The following HAPLN3 variants were observed in gnomAD, a reference collection of about 807,000 sequenced individuals.
The protein encoded by HAPLN3 is extracellular link domain containing, 1.
HAPLN3 carries 28 observed loss-of-function variants against 28.1 expected under a neutral mutation model. That is an observed-to-expected ratio of 1.00 (90% CI 0.74 to 1.37). The LOEUF is 1.37. HAPLN3 is among the 40% of genes most tolerant of loss of function. The probability of loss-of-function intolerance (pLI) is 0.00; values close to 1 mark genes in which losing one functional copy is unlikely to be tolerated. For synonymous variants in HAPLN3, 211 were observed against 213.1 expected, an observed-to-expected ratio of 0.99 and a Z score of 0.09; for missense variants, 513 against 504.6, an observed-to-expected ratio of 1.02 and a Z score of -0.16.
rs1027749488 is a variant in HAPLN3 at position 88,883,951 on chromosome 15, G to A, written c.125-2226C>T. Among the ~76,000 whole-genome samples, 7 of 152,044 alleles carry A rather than the reference G, an allele frequency of 4.6e-5. No individual in the cohort carries two copies. In the East Asian group the frequency reaches 9.7e-4, roughly 21 times the overall value. On this transcript the variant is annotated intron_variant, in intron 2 of 4. Transcript: ENST00000359595. ...AAATTAGCTGGGCACAGTGGTGCAC[G>A]CCTGTAGTCTCAGCTAACTCAGGAG...
rs989663808 is a variant in HAPLN3 at position 88,880,107 on chromosome 15, G to C, written c.494-838C>G. 2 of 992,172 alleles carry C rather than the reference G, an allele frequency of 2.0e-6. No individual in the cohort carries two copies. The highest frequency in any genetic ancestry group is 4.6e-5 in the South Asian group (1 of 21,806). The allele number at this position is 992,172 out of a possible 1,614,324, so 61.5% of individuals were successfully genotyped here. ...CTGGGCAAAGCCAGGTTGGGCGGCAGAGAAGCCCATGGGCCCTGACAGTCA... is the reference window on the plus strand; with the variant it reads ...CTGGGCAAAGCCAGGTTGGGCGGCACAGAAGCCCATGGGCCCTGACAGTCA... On this transcript the variant is annotated intron_variant, in intron 3 of 4. Transcript: ENST00000359595. This position sits in a 1 kb window ranked among gnomAD's most constrained non-coding sequence, Gnocchi z 6.0.
At chr15:88,894,527 G>C (rs1734989787) in intron 1 of HAPLN3, among the ~76,000 whole-genome samples, 1 of 152,208 alleles carries the variant, frequency 6.6e-6, no homozygotes, top group Non-Finnish European at 1.5e-5. Flanking sequence ...TTTGCACAAG[G>C]CTTGATCTCC....
chr15:88,894,794 G>A (rs1012163820), intron 1 of HAPLN3, among the ~76,000 whole-genome samples: 2 of 152,202 alleles, frequency 1.3e-5, no homozygotes, highest in Non-Finnish European at 2.9e-5. Flanking sequence ...TACTGGCTGC[G>A]CACAAGCCTA....
chr15:88,893,134 G>C (rs1898057792), intron 1 of HAPLN3: 3 of 734,070 alleles, frequency 4.1e-6, no homozygotes, highest in Non-Finnish European at 4.8e-6. Flanking sequence ...AGGAACTTAA[G>C]GCCGGGTGCA....
intron 1 of HAPLN3, among the ~76,000 whole-genome samples, chr15:88,890,704 C>T (rs1218035799): frequency 6.6e-6 from 1 of 152,120 alleles, no homozygotes; most frequent in Non-Finnish European, 1.5e-5. Context: ...ATTACAGATG[C>T]CTTTCCCTGG....
Position 88,879,736 on chromosome 15 carries a change from GAGA to G in HAPLN3, c.494-470_494-468del. ...TCCACGTGTGGCAGATGATTTTCAG[GAGA>G]AGGAGAGGCCCTAGAGGCCGTGGGG... On this transcript the variant is annotated intron_variant, in intron 3 of 4. Transcript: ENST00000359595. The surrounding 1 kb of genome is among the most constrained non-coding windows in gnomAD (Gnocchi z 5.0). 2 of 1,176,212 alleles carry G rather than the reference GAGA, an allele frequency of 1.7e-6. No homozygotes were observed. The highest frequency in any genetic ancestry group is 1.7e-5 in the South Asian group (1 of 60,508). 72.9% of individuals were successfully genotyped at this position (1,176,212 alleles called of 1,614,324 possible). A position where few individuals can be genotyped will look rare whatever the true frequency, so the allele number is the denominator to read the frequency against.
At chr15:88,887,946 A>G (rs1439941913) in intron 1 of HAPLN3, among the ~76,000 whole-genome samples, 1 of 152,074 alleles carries the variant, frequency 6.6e-6, no homozygotes, top group East Asian at 1.9e-4. Context: ...CTGGGCAACA[A>G]GAGTGAAACT....
In HAPLN3 at chr15:88,879,929, A is replaced by T. The variant is rs1897651619; in HGVS notation, c.494-660T>A. 1 of 1,015,398 alleles carries T rather than the reference A, an allele frequency of 9.8e-7. No individual in the cohort carries two copies. Among genetic ancestry groups the T allele is most frequent in the Admixed American group, 5.1e-5 (1 of 19,504 alleles). The allele number at this position is 1,015,398 out of a possible 1,614,324, so 62.9% of individuals were successfully genotyped here. A position where few individuals can be genotyped will look rare whatever the true frequency, so the allele number is the denominator to read the frequency against. On this transcript the variant is annotated intron_variant, in intron 3 of 4. Transcript: ENST00000359595. This position sits in a 1 kb window ranked among gnomAD's most constrained non-coding sequence, Gnocchi z 5.0. ...AATAAAAAGTTTTTAAACTTCTGAG[A>T]TGTAGTCTCTACCAAGTCAATGAAA...
intron 2 of HAPLN3, among the ~76,000 whole-genome samples, chr15:88,883,644 C>G (rs1307569483): frequency 2.0e-5 from 3 of 152,172 alleles, no homozygotes; most frequent in African/African-American, 7.2e-5. Flanking sequence ...ACTATACAGC[C>G]ATGTAAAATA....
rs1466055274 is a variant in HAPLN3 at position 88,878,209 on chromosome 15, C to T, written c.844G>A (p.Ala282Thr). 3 of 1,614,058 alleles carry T rather than the reference C, an allele frequency of 1.9e-6. No individual in the cohort carries two copies. Among genetic ancestry groups the T allele is most frequent in the Non-Finnish European group, 8.5e-7 (1 of 1,179,940 alleles). The stretch of plus-strand genomic sequence containing the variant: ...TCATCTTCCTGGCAGGCCTCCCTTG[C>T]CTCTGTCAGCGTCAGCTTCTCAGGG... ...EHPEKLTLTE[A>T]REACQEDDAT... Residue 282 changes from alanine (A) to threonine (T), a missense_variant, in exon 5 of 5, where the codon GCA becomes ACA. By Grantham distance (58) the Ala-to-Thr change is moderately conservative. Transcript: ENST00000359595.
In HAPLN3 at chr15:88,880,548, T is replaced by C. The variant is rs902840321; in HGVS notation, c.493+809A>G. The stretch of plus-strand genomic sequence containing the variant: ...GGGCTGGGGCTAAAGTCAGGTCACC[T>C]TCCTCTATCCCCGAACTGCCTCCCT... On this transcript the variant is annotated intron_variant, in intron 3 of 4. Coordinates refer to ENST00000359595, the MANE Select transcript of HAPLN3 (RefSeq NM_178232.4). The surrounding 1 kb of genome is among the most constrained non-coding windows in gnomAD (Gnocchi z 6.0). 7.8e-7 allele frequency: 1 copy of C among 1,288,278 alleles called. No homozygotes were observed. Among genetic ancestry groups the C allele is most frequent in the African/African-American group, 1.5e-5 (1 of 65,928 alleles). The allele number at this position is 1,288,278 out of a possible 1,614,324, so 79.8% of individuals were successfully genotyped here.
Position 88,879,426 on chromosome 15 carries a change from C to G in HAPLN3, c.494-157G>C. The G allele has an allele frequency of 6.5e-7, 1 of 1,535,092 alleles. No individual in the cohort carries two copies. The highest frequency in any genetic ancestry group is 8.7e-7 in the Non-Finnish European group (1 of 1,146,994). ...CTCAGCAAACCTCTGACCTCCTGTCCGTTGCCGCCTCTCTCCTGGGACTCA... is the reference window on the plus strand; with the variant it reads ...CTCAGCAAACCTCTGACCTCCTGTCGGTTGCCGCCTCTCTCCTGGGACTCA... On this transcript the variant is annotated intron_variant, in intron 3 of 4. Coordinates refer to ENST00000359595, the MANE Select transcript of HAPLN3 (RefSeq NM_178232.4). The surrounding 1 kb of genome is among the most constrained non-coding windows in gnomAD (Gnocchi z 5.0).
Position 88,877,999 on chromosome 15 carries a change from A to G in HAPLN3, c.1054T>C (p.Tyr352His). The change falls in exon 5 of 5, where the codon TAC becomes CAC. Residue 352 changes from tyrosine to histidine, a missense_variant. Transcript: ENST00000359595. The surrounding 1 kb of genome is among the most constrained non-coding windows in gnomAD (Gnocchi z 5.1). ...TGCTGGCGGTAGCAGTAAACACCGT[A>G]CAAGCGGCTCTGCGGGTCGGGGAAG... ...FGFPDPQSRL[Y>H]GVYCYRQH 6.2e-7 allele frequency: 1 copy of G among 1,613,096 alleles called. No homozygotes were observed. Among genetic ancestry groups the G allele is most frequent in the Non-Finnish European group, 8.5e-7 (1 of 1,179,522 alleles).
rs1168557632 is a variant in HAPLN3, at chr15:88,879,044, G to C, written c.719C>G (p.Pro240Arg). Residue 240 changes from proline (P) to arginine (R), a missense_variant, in exon 4 of 5, where the codon CCT (proline) becomes CGT (arginine). Coordinates refer to ENST00000359595, the MANE Select transcript of HAPLN3 (RefSeq NM_178232.4). The surrounding 1 kb of genome is among the most constrained non-coding windows in gnomAD (Gnocchi z 5.0). ...GCGGGGGCCGTAGCTTCGCACGCCA[G>C]GTGCCAGGCCCGGGCCACCGCAGGG... The part of the protein sequence containing the change: ...RQPCGGPGLA[P>R]GVRSYGPRHR... 1 of 1,607,400 alleles carries C rather than the reference G, an allele frequency of 6.2e-7. No individual in the cohort carries two copies. The highest frequency in any genetic ancestry group is 8.5e-7 in the Non-Finnish European group (1 of 1,177,468).
At position 88,880,609 on chromosome 15, in the gene HAPLN3, T is replaced by A; in HGVS notation, c.493+748A>T. The A allele has an allele frequency of 7.8e-7, 1 of 1,288,460 alleles. No homozygotes were observed. Among genetic ancestry groups the A allele is most frequent in the African/African-American group, 1.5e-5 (1 of 65,894 alleles). The allele number at this position is 1,288,460 out of a possible 1,614,324, so 79.8% of individuals were successfully genotyped here. A position where few individuals can be genotyped will look rare whatever the true frequency, so the allele number is the denominator to read the frequency against. The stretch of plus-strand genomic sequence containing the variant: ...AGAGATGTGAGGACACACAGCCCCA[T>A]CCTAGAGACAGAGAAGGTAAATACA... On this transcript the variant is annotated intron_variant, in intron 3 of 4. Transcript: ENST00000359595. This position sits in a 1 kb window ranked among gnomAD's most constrained non-coding sequence, Gnocchi z 6.0.
In HAPLN3 at chr15:88,879,129, A is replaced by G. The variant is rs537098112; in HGVS notation, c.634T>C (p.Cys212Arg). 6.8e-6 allele frequency: 11 copies of G among 1,613,556 alleles called. No individual in the cohort carries two copies. In the East Asian group the frequency reaches 2.2e-4, roughly 33 times the overall value. Residue 212 changes from cysteine to arginine, a missense_variant, in exon 4 of 5, where the codon TGC (cysteine) becomes CGC (arginine). By Grantham distance (180) the Cys-to-Arg change is radical (BLOSUM62 -3). Transcript: ENST00000359595. This position sits in a 1 kb window ranked among gnomAD's most constrained non-coding sequence, Gnocchi z 5.0. The stretch of plus-strand genomic sequence containing the variant: ...GCATCCTGCAGCCAGCCCGCGTTGC[A>G]CCAGTCCAGGCCCTCCTCCCAGGCC... ...FRAWEEGLDW[C>R]NAGWLQDATV...
chr15:88,887,349 G>A lies in HAPLN3; in HGVS notation c.-47-4C>T, dbSNP rs986441341. 2 of 1,605,224 alleles carry A rather than the reference G, an allele frequency of 1.2e-6. No homozygotes were observed. Among genetic ancestry groups the A allele is most frequent in the Non-Finnish European group, 1.7e-6 (2 of 1,175,966 alleles). Reference sequence around the variant, plus strand: ...CAGGCTGGGGCCCCAGGGCAAACTGGGAAGGGGAGGAAAACAAGGCAATTA... The same window carrying A: ...CAGGCTGGGGCCCCAGGGCAAACTGAGAAGGGGAGGAAAACAAGGCAATTA... On this transcript the variant is annotated splice_polypyrimidine_tract_variant and splice_region_variant and intron_variant, in intron 1 of 4. Coordinates refer to ENST00000359595, the MANE Select transcript of HAPLN3 (RefSeq NM_178232.4).
chr15:88,894,744 G>C (rs998962124), intron 1 of HAPLN3, among the ~76,000 whole-genome samples: 1 of 152,242 alleles, frequency 6.6e-6, no homozygotes, highest in Non-Finnish European at 1.5e-5. Flanking sequence ...CTGCCAACGA[G>C]CTGGTGGCAG....
chr15:88,878,855 T>C (rs907639997), intron 4 of HAPLN3, 112 bp downstream of exon 4: 1 of 1,174,920 alleles, frequency 8.5e-7, no homozygotes, highest in Non-Finnish European at 1.2e-6. Flanking sequence ...GGCCTCCAGG[T>C]GGCAGTACCA....
Sources: gnomAD v4.1 joint callset for allele counts (sites outside exome capture counted in the v4.1 genomes callset) on GRCh38, gnomAD v4.1.1 for gene constraint, Gnocchi (gnomAD v3.1) non-coding constraint, MANE v1.5 for transcripts, NCBI Gene and HGNC (gene_info 2026-07-23, HGNC 2026-07-21) for gene names.